Variants in RELN observed in about 807,000 individuals in gnomAD.
The protein encoded by RELN is reelin.
Under a neutral mutation model 427.6 loss-of-function variants are expected in RELN, and 108 were observed. The ratio of observed to expected loss-of-function variants is 0.25; its 90% CI spans 0.22 to 0.30. The LOEUF (loss-of-function observed/expected upper bound fraction) is 0.30, where lower values mean the gene tolerates loss of function less well. Ranked by LOEUF, RELN falls within the 10% of genes least tolerant of loss-of-function variation. RELN has a pLI of 1.00. For synonymous variants in RELN, 1,524 were observed against 1,513.4 expected, an observed-to-expected ratio of 1.01 and a Z score of -0.16; for missense variants, 3,715 against 4,302.8, an observed-to-expected ratio of 0.86 and a Z score of 3.82.
intron 2 of RELN, among the ~76,000 whole-genome samples, chr7:103,840,388 T>C (rs775696062): frequency 6.6e-6 from 1 of 152,246 alleles, no homozygotes; most frequent in Non-Finnish European, 1.5e-5. Context: ...AATCCAGAGA[T>C]GGTTCCCTCA....
chr7:103,920,185 T>C, intron 1 of RELN, among the ~76,000 whole-genome samples: 1 of 152,218 alleles, frequency 6.6e-6, no homozygotes, highest in East Asian at 1.9e-4. Context: ...AAACGTTCCA[T>C]AGTGATTGTC....
chr7:103,608,189 T>C (rs1199464255), intron 22 of RELN, among the ~76,000 whole-genome samples: 2 of 152,204 alleles, frequency 1.3e-5, no homozygotes, highest in African/African-American at 4.8e-5. Flanking sequence ...TTTGCAAAGG[T>C]TTAAAATTAT....
intron 6 of RELN, among the ~76,000 whole-genome samples, chr7:103,737,748 G>C (rs910676826): frequency 6.6e-6 from 1 of 152,152 alleles, no homozygotes; most frequent in Non-Finnish European, 1.5e-5. Flanking sequence ...CAGAGTCTGT[G>C]ATCGCTATTT....
chr7:103,848,932 AT>A (rs1793747290), intron 2 of RELN, among the ~76,000 whole-genome samples: 1 of 152,154 alleles, frequency 6.6e-6, no homozygotes, highest in Admixed American at 6.5e-5. Context: ...CAATGGGAAG[AT>A]ATTGTTTATC....
At chr7:103,695,019 A>G (rs574551629) in intron 10 of RELN, among the ~76,000 whole-genome samples, 2 of 152,004 alleles carry the variant, frequency 1.3e-5, no homozygotes, top group Non-Finnish European at 2.9e-5. Flanking sequence ...CCAAAAACTA[A>G]AAGTCCAAAA....
chr7:103,498,425 T>G (rs1828910139), intron 53 of RELN, among the ~76,000 whole-genome samples, 173 bp from the exon 54 acceptor site: 1 of 152,236 alleles, frequency 6.6e-6, no homozygotes, highest in East Asian at 1.9e-4. Flanking sequence ...TGTCGTATAT[T>G]GAAAATCATT....
intron 3 of RELN, among the ~76,000 whole-genome samples, chr7:103,794,889 G>A (rs1792261597): frequency 6.6e-6 from 1 of 152,048 alleles, no homozygotes; most frequent in South Asian, 2.1e-4. Context: ...AGAAACCCTG[G>A]TATATAGGTT....
intron 2 of RELN, among the ~76,000 whole-genome samples, chr7:103,848,184 C>A (rs917862500): frequency 2.0e-5 from 3 of 152,140 alleles, no homozygotes; most frequent in African/African-American, 7.2e-5. Flanking sequence ...ACTAGGGTTT[C>A]ATGCTCAGCG....
rs1208909803 is a variant in RELN at position 103,971,070 on chromosome 7, C to T, written c.226+18061G>A. Among the ~76,000 whole-genome samples the T allele has an allele frequency of 3.3e-5, 5 of 150,370 alleles. No homozygotes were observed. In the South Asian group the frequency reaches 1.1e-3, roughly 32 times the overall value. On this transcript the variant is annotated intron_variant, in intron 1 of 64. Transcript: ENST00000428762. The stretch of plus-strand genomic sequence containing the variant: ...AGGAGGCTGAGGCAAGAGAATCGCT[C>T]GAACCTGGGAGGCGGAGGATGCAGT...
chr7:103,565,849 T>G (rs971344191), intron 33 of RELN, among the ~76,000 whole-genome samples: 1 of 152,226 alleles, frequency 6.6e-6, no homozygotes, highest in Non-Finnish European at 1.5e-5. Context: ...GATATTTTGA[T>G]ACATTTATAC....
intron 2 of RELN, among the ~76,000 whole-genome samples, chr7:103,859,402 T>A (rs1020045013): frequency 1.3e-5 from 2 of 152,178 alleles, no homozygotes; most frequent in African/African-American, 4.8e-5. Flanking sequence ...CAAGTGATTA[T>A]CCTGCCTCAG....
At chr7:103,651,620 T>C (rs575317930) in intron 15 of RELN, 41 bp downstream of exon 15, 7 of 1,592,846 alleles carry the variant, frequency 4.4e-6, no homozygotes, top group Admixed American at 1.7e-5. Context: ...TTCTGCAACA[T>C]GGATTCAAGT....
intron 2 of RELN, among the ~76,000 whole-genome samples, chr7:103,856,585 A>AG (rs200009218): frequency 0.077 from 10,145 of 131,958 alleles, 494 homozygotes; most frequent in Non-Finnish European, 0.12. Flanking sequence ...AAAAAAAAAA[A>AG]AAAGAAAGAA....
At chr7:103,742,166 G>A (rs1285248749) in intron 6 of RELN, among the ~76,000 whole-genome samples, 1 of 152,184 alleles carries the variant, frequency 6.6e-6, no homozygotes, top group African/African-American at 2.4e-5. Context: ...GGTCTGGAGT[G>A]GACGTCTAGC....
chr7:103,957,343 A>C (rs1031541732), intron 1 of RELN, among the ~76,000 whole-genome samples: 1 of 152,202 alleles, frequency 6.6e-6, no homozygotes, highest in African/African-American at 2.4e-5. Context: ...GGGGATGCAA[A>C]ACAGAAAAAT....
intron 1 of RELN, among the ~76,000 whole-genome samples, chr7:103,977,668 G>A (rs367905345): frequency 6.6e-6 from 1 of 152,028 alleles, no homozygotes; most frequent in South Asian, 2.1e-4. Context: ...CTACTACCAC[G>A]ACTCCTTTAG....
intron 24 of RELN, among the ~76,000 whole-genome samples, chr7:103,597,375 G>A (rs1194863214): frequency 6.6e-6 from 1 of 152,248 alleles, no homozygotes; most frequent in East Asian, 1.9e-4. Flanking sequence ...GGCCGAAGTG[G>A]GTGGATCACC....
At chr7:103,782,616 A>G (rs1791920034) in intron 3 of RELN, among the ~76,000 whole-genome samples, 2 of 152,202 alleles carry the variant, frequency 1.3e-5, no homozygotes, top group East Asian at 3.8e-4. Flanking sequence ...TGAAGGAATC[A>G]GAGGTATTTA....
chr7:103,940,292 A>G (rs914610505), intron 1 of RELN, among the ~76,000 whole-genome samples: 18 of 152,196 alleles, frequency 1.2e-4, no homozygotes, highest in African/African-American at 4.3e-4. Context: ...AAAGAGGGTT[A>G]CTGTGATTCA....
Sources: allele counts gnomAD v4.1 joint callset (sites outside exome capture counted in the v4.1 genomes callset), GRCh38; gene constraint gnomAD v4.1.1; transcripts MANE v1.5; gene names NCBI Gene and HGNC (gene_info 2026-07-23, HGNC 2026-07-21).